PREX2: variants seen among roughly 807,000 people sequenced by gnomAD.
PREX2 encodes the protein phosphatidylinositol 3,4,5-trisphosphate-dependent Rac exchanger 2 protein.
Under a neutral mutation model 203.2 loss-of-function variants are expected in PREX2, and 107 were observed. The ratio of observed to expected loss-of-function variants is 0.53; its 90% CI spans 0.45 to 0.62. The LOEUF is 0.62. Among genes scored for constraint, PREX2 ranks in the 20% least tolerant of loss-of-function variants. The probability of loss-of-function intolerance (pLI) is 0.00; values close to 1 mark genes in which losing one functional copy is unlikely to be tolerated. For synonymous variants in PREX2, 672 were observed against 663.6 expected (o/e 1.01, Z -0.19); for missense variants, 1,777 against 1,955.9 (o/e 0.91, Z 1.72).
At chr8:67,985,531 A>G (rs1391644825) in intron 1 of PREX2, among the ~76,000 whole-genome samples, 1 of 152,180 alleles carries the variant, frequency 6.6e-6, no homozygotes, top group African/African-American at 2.4e-5. Flanking sequence ...TGTCAATATT[A>G]GAGCTGTGAG....
At chr8:67,960,272 G>A (rs1805599215) in intron 1 of PREX2, among the ~76,000 whole-genome samples, 1 of 152,080 alleles carries the variant, frequency 6.6e-6, no homozygotes, top group Non-Finnish European at 1.5e-5. Context: ...AAACTCCTGA[G>A]CTACGGAAGT....
At chr8:68,148,526 C>T (rs1811372017) in intron 34 of PREX2, among the ~76,000 whole-genome samples, 1 of 152,240 alleles carries the variant, frequency 6.6e-6, no homozygotes, top group African/African-American at 2.4e-5. Context: ...TCATATCCAA[C>T]AGCAAATGTA....
chr8:68,152,528 CT>C (rs1278975913), intron 34 of PREX2, among the ~76,000 whole-genome samples: 1 of 152,032 alleles, frequency 6.6e-6, no homozygotes, highest in African/African-American at 2.4e-5. Flanking sequence ...TTCACGACGA[CT>C]CAATGGCCAA....
intron 39 of PREX2, among the ~76,000 whole-genome samples, chr8:68,225,026 G>A (rs1012755367): frequency 6.6e-6 from 1 of 152,024 alleles, no homozygotes; most frequent in Non-Finnish European, 1.5e-5. Context: ...TAGCTTAGAT[G>A]TCATTTTCTC....
chr8:68,105,184 T>A lies in PREX2; in HGVS notation c.2716-2925T>A, dbSNP rs532635085. 10 of 1,367,852 alleles carry A rather than the reference T, an allele frequency of 7.3e-6. No individual in the cohort carries two copies. The African/African-American group carries it at 1.0e-4, about 14-fold the overall frequency. 84.7% of individuals were successfully genotyped at this position (1,367,852 alleles called of 1,614,324 possible). ...TACAATTTCACAGCACGGCATGCTGTCTGGGAGCACAGTTTTGATCTTCAC... is the reference window on the plus strand; with the variant it reads ...TACAATTTCACAGCACGGCATGCTGACTGGGAGCACAGTTTTGATCTTCAC... On this transcript the variant is annotated intron_variant, in intron 23 of 39. Coordinates refer to ENST00000288368, the MANE Select transcript of PREX2 (RefSeq NM_024870.4).
At chr8:68,122,901 G>T (rs1810807599) in intron 30 of PREX2, among the ~76,000 whole-genome samples, 1 of 152,046 alleles carries the variant, frequency 6.6e-6, no homozygotes, top group African/African-American at 2.4e-5. Flanking sequence ...TTTTGCATTT[G>T]CTGAGAAGCG....
intron 37 of PREX2, among the ~76,000 whole-genome samples, chr8:68,195,357 C>T (rs879432588): frequency 5.3e-5 from 8 of 152,268 alleles, no homozygotes; most frequent in East Asian, 3.9e-4. Context: ...ATTCACTTCA[C>T]GAGACATTTA....
At chr8:68,229,301 T>G (rs1360609637) in intron 39 of PREX2, among the ~76,000 whole-genome samples, 1 of 152,102 alleles carries the variant, frequency 6.6e-6, no homozygotes, top group Non-Finnish European at 1.5e-5. Context: ...GCCACTGATG[T>G]GAGTGGAATG....
intron 21 of PREX2, among the ~76,000 whole-genome samples, chr8:68,096,030 C>T (rs544609469): frequency 6.6e-6 from 1 of 152,116 alleles, no homozygotes; most frequent in Non-Finnish European, 1.5e-5. Context: ...TGGAAGGCCA[C>T]TTGGTTGGAT....
At chr8:67,953,613 C>T (rs1805417402) in intron 1 of PREX2, among the ~76,000 whole-genome samples, 1 of 152,038 alleles carries the variant, frequency 6.6e-6, no homozygotes, top group African/African-American at 2.4e-5. Flanking sequence ...GCTTAGTGTT[C>T]TGAAATCTGT....
At chr8:68,037,455 G>T (rs1023978639) in intron 6 of PREX2, among the ~76,000 whole-genome samples, 1 of 152,148 alleles carries the variant, frequency 6.6e-6, no homozygotes, top group African/African-American at 2.4e-5. Context: ...AACTCAGGGG[G>T]CAGCTTTCCT....
chr8:68,074,013 C>T (rs377669496), intron 14 of PREX2, among the ~76,000 whole-genome samples: 182 of 151,788 alleles, frequency 1.2e-3, no homozygotes, highest in African/African-American at 4.2e-3. Context: ...GTTGCCTGGG[C>T]TGGAGTGCAG....
intron 30 of PREX2, among the ~76,000 whole-genome samples, chr8:68,126,993 C>T (rs986791654): frequency 6.6e-6 from 1 of 151,714 alleles, no homozygotes; most frequent in Non-Finnish European, 1.5e-5. Flanking sequence ...CAGTTTATTG[C>T]TAGTGATTAC....
At chr8:68,040,166 C>T (rs1055342711) in intron 7 of PREX2, among the ~76,000 whole-genome samples, 2 of 152,112 alleles carry the variant, frequency 1.3e-5, no homozygotes, top group African/African-American at 4.8e-5. Flanking sequence ...GTAATTGGCA[C>T]TATAGGCGCA....
intron 8 of PREX2, among the ~76,000 whole-genome samples, chr8:68,046,297 G>T (rs1321257068): frequency 6.6e-6 from 1 of 152,008 alleles, no homozygotes; most frequent in Non-Finnish European, 1.5e-5. Context: ...TGATTACTAT[G>T]ATTACTGTGC....
intron 1 of PREX2, among the ~76,000 whole-genome samples, chr8:68,005,859 G>A (rs1807078878): frequency 7.2e-6 from 1 of 139,652 alleles, no homozygotes; most frequent in African/African-American, 2.7e-5. Context: ...CTAGCGCTGA[G>A]AACAGAGCCT....
chr8:68,004,053 A>G (rs79715221), intron 1 of PREX2, among the ~76,000 whole-genome samples: 17,525 of 151,998 alleles, frequency 0.12, 1,033 homozygotes, highest in South Asian at 0.16. Context: ...ACAGGGCTTC[A>G]CCATGTTTGG....
At chr8:68,081,729 C>G (rs1809533663) in intron 17 of PREX2, among the ~76,000 whole-genome samples, 1 of 152,172 alleles carries the variant, frequency 6.6e-6, no homozygotes, top group African/African-American at 2.4e-5. Flanking sequence ...AAGTCTCCCT[C>G]TGTTGCCCAG....
chr8:68,109,126 T>C (rs945664109), intron 24 of PREX2: 1 of 448,722 alleles, frequency 2.2e-6, no homozygotes, highest in South Asian at 2.0e-5. Flanking sequence ...TCAAGAGATA[T>C]ATTGTATAAC....
Sources: gnomAD v4.1 joint callset for allele counts (sites outside exome capture counted in the v4.1 genomes callset) on GRCh38, gnomAD v4.1.1 for gene constraint, MANE v1.5 for transcripts, NCBI Gene and HGNC (gene_info 2026-07-23, HGNC 2026-07-21) for gene names.